Variants in GNAI1 observed in about 807,000 individuals in gnomAD.
GNAI1 encodes the protein G protein subunit alpha i1, also known as guanine nucleotide-binding protein G(i) subunit alpha-1.
GNAI1 carries 11 observed loss-of-function variants against 38.9 expected under a neutral mutation model. The ratio of observed to expected loss-of-function variants is 0.28; its 90% CI spans 0.18 to 0.47. The LOEUF (loss-of-function observed/expected upper bound fraction) is 0.47, where lower values mean the gene tolerates loss of function less well. Among genes scored for constraint, GNAI1 ranks in the 20% least tolerant of loss-of-function variants. GNAI1 has a pLI of 0.99. For synonymous variants in GNAI1, 166 were observed against 145.1 expected (o/e 1.14, Z -1.04); for missense variants, 317 against 436.9 (o/e 0.73, Z 2.45).
At chr7:80,181,068 A>G (rs1370560924) in intron 1 of GNAI1, among the ~76,000 whole-genome samples, 1 of 152,138 alleles carries the variant, frequency 6.6e-6, no homozygotes, top group Non-Finnish European at 1.5e-5. Context: ...GGAGGAAAAA[A>G]AAATCACTGT....
intron 1 of GNAI1, among the ~76,000 whole-genome samples, chr7:80,168,297 C>T (rs896335530): frequency 1.1e-4 from 17 of 152,166 alleles, no homozygotes; most frequent in Non-Finnish European, 2.1e-4. Flanking sequence ...CAAGCCCCCC[C>T]ATGCATACAA....
intron 1 of GNAI1, among the ~76,000 whole-genome samples, chr7:80,152,684 C>G (rs1787749495): frequency 6.6e-6 from 1 of 151,700 alleles, no homozygotes; most frequent in Non-Finnish European, 1.5e-5. Flanking sequence ...CCTCAGCCTC[C>G]CGAGTAGCTG....
At chr7:80,160,996 ATGG>A (rs1787915206) in intron 1 of GNAI1, among the ~76,000 whole-genome samples, 1 of 152,174 alleles carries the variant, frequency 6.6e-6, no homozygotes, top group Non-Finnish European at 1.5e-5. Flanking sequence ...GAAGTGCCAA[ATGG>A]AAGTAAGTTA....
rs1787489552 is a variant in GNAI1, at chr7:80,139,726, T to A, written c.118+4448T>A. On this transcript the variant is annotated intron_variant, in intron 1 of 7. Coordinates refer to ENST00000649796, the MANE Select transcript of GNAI1 (RefSeq NM_002069.6). ...ATGTAAACAAAAAAGGAATAGTAAA[T>A]TATGTGATGACCACAGTGAACACAT... is the stretch of plus-strand genomic sequence containing the variant. Among the ~76,000 whole-genome samples, 3 of 152,178 alleles carry A rather than the reference T, an allele frequency of 2.0e-5. No individual in the cohort carries two copies. The South Asian group carries it at 6.2e-4, about 31-fold the overall frequency.
intron 7 of GNAI1, among the ~76,000 whole-genome samples, chr7:80,213,825 C>T (rs1291654925): frequency 6.7e-6 from 1 of 150,180 alleles, no homozygotes; most frequent in Non-Finnish European, 1.5e-5. Context: ...GTTATTTACC[C>T]TCACCCCACT....
chr7:80,202,277 A>T (rs959100041), intron 4 of GNAI1, among the ~76,000 whole-genome samples: 6 of 151,826 alleles, frequency 4.0e-5, no homozygotes, highest in Non-Finnish European at 8.8e-5. Context: ...TTTAGTAGAG[A>T]CTGGGTTTCA....
intron 1 of GNAI1, among the ~76,000 whole-genome samples, chr7:80,143,179 C>T (rs1272204967): frequency 2.6e-5 from 4 of 152,096 alleles, no homozygotes; most frequent in South Asian, 2.1e-4. Context: ...TGTCAAATTA[C>T]GCATTAGCCT....
chr7:80,135,076 G>A lies in GNAI1; in HGVS notation c.-85G>A, dbSNP rs1787384289. The stretch of plus-strand genomic sequence containing the variant: ...CCCGTCGGGAGGCGTTCGAACGCCC[G>A]CTAGGAGAGAGAAAGGATTCCCCTG... On this transcript the variant is annotated 5_prime_UTR_variant, in exon 1 of 8. Transcript: ENST00000649796. The A allele has an allele frequency of 2.2e-6, 2 of 920,816 alleles. No homozygotes were observed. Among genetic ancestry groups the A allele is most frequent in the South Asian group, 2.9e-5 (1 of 34,772 alleles). The allele number at this position is 920,816 out of a possible 1,614,324, so 57.0% of individuals were successfully genotyped here.
At chr7:80,138,980 C>A (rs1017606721) in intron 1 of GNAI1, among the ~76,000 whole-genome samples, 3 of 152,270 alleles carry the variant, frequency 2.0e-5, no homozygotes, top group African/African-American at 7.2e-5. Context: ...CTGTGACTTC[C>A]CCTAGTTGAG....
intron 1 of GNAI1, chr7:80,136,150 G>C: frequency 1.8e-6 from 1 of 568,800 alleles, no homozygotes; most frequent in Non-Finnish European, 2.2e-6. Flanking sequence ...CCAAATGTTT[G>C]ACGGGGAAGA....
intron 1 of GNAI1, among the ~76,000 whole-genome samples, chr7:80,148,935 A>C (rs1341699733): frequency 6.6e-6 from 1 of 152,134 alleles, no homozygotes; most frequent in East Asian, 1.9e-4. Context: ...TGGTATTACT[A>C]ATACTAATGT....
intron 1 of GNAI1, among the ~76,000 whole-genome samples, chr7:80,147,393 A>C (rs1205350863): frequency 2.7e-5 from 4 of 150,074 alleles, no homozygotes; most frequent in Non-Finnish European, 5.9e-5. Flanking sequence ...AAAAAAAGAC[A>C]CAGGAGCTCT....
intron 4 of GNAI1, among the ~76,000 whole-genome samples, chr7:80,202,396 C>T (rs1033111630): frequency 3.9e-5 from 6 of 152,074 alleles, no homozygotes; most frequent in South Asian, 2.1e-4. Flanking sequence ...CGAACTGTAA[C>T]GGTTTTAAGC....
chr7:80,162,035 T>C (rs2116131361), intron 1 of GNAI1, among the ~76,000 whole-genome samples: 1 of 152,176 alleles, frequency 6.6e-6, no homozygotes, highest in Admixed American at 6.5e-5. Flanking sequence ...TAACCCACAG[T>C]GTGATGGCAT....
intron 1 of GNAI1, among the ~76,000 whole-genome samples, chr7:80,170,958 C>T (rs1379227759): frequency 6.6e-6 from 1 of 152,128 alleles, no homozygotes; most frequent in African/African-American, 2.4e-5. Context: ...AAAATCAGTG[C>T]ATTTTACAGT....
Position 80,164,643 on chromosome 7 carries a change from C to A in GNAI1, c.119-24308C>A, listed in dbSNP as rs1374961613. 2.0e-5 allele frequency among the ~76,000 whole-genome samples: 3 copies of A among 152,248 alleles called. No individual in the cohort carries two copies. In the East Asian group the frequency reaches 5.8e-4, roughly 29 times the overall value. ...TCCCCACTTTCTTTTTGAGTACTCA[C>A]ATTTTACTTTTTAATGAGTTGTCTT... is the stretch of plus-strand genomic sequence containing the variant. On this transcript the variant is annotated intron_variant, in intron 1 of 7. Coordinates refer to ENST00000649796, the MANE Select transcript of GNAI1 (RefSeq NM_002069.6).
intron 4 of GNAI1, among the ~76,000 whole-genome samples, chr7:80,200,312 G>A (rs909686461): frequency 2.3e-4 from 15 of 65,984 alleles, no homozygotes; most frequent in African/African-American, 1.8e-3. Flanking sequence ...GAGATGGAGT[G>A]AGGCCATGTC....
intron 1 of GNAI1, among the ~76,000 whole-genome samples, chr7:80,138,479 G>T (rs1259869858): frequency 6.6e-6 from 1 of 152,136 alleles, no homozygotes; most frequent in Non-Finnish European, 1.5e-5. Context: ...ACATTTTAAA[G>T]AAGTAAGTAA....
intron 1 of GNAI1, among the ~76,000 whole-genome samples, chr7:80,181,606 G>C (rs551247857): frequency 1.3e-5 from 2 of 152,268 alleles, no homozygotes; most frequent in South Asian, 2.1e-4. Flanking sequence ...TCAGAAAAGA[G>C]CTTCCAGTGC....
Sources: allele counts gnomAD v4.1 joint callset (sites outside exome capture counted in the v4.1 genomes callset), GRCh38; gene constraint gnomAD v4.1.1; transcripts MANE v1.5; gene names NCBI Gene and HGNC (gene_info 2026-07-23, HGNC 2026-07-21).